Variants in ST6GALNAC5 observed in about 807,000 individuals in gnomAD.
ST6GALNAC5 encodes ST6 N-acetylgalactosaminide alpha-2,6-sialyltransferase 5.
In ST6GALNAC5, 27 loss-of-function variants were observed where a neutral mutation model predicts 33.6. The ratio of observed to expected loss-of-function variants is 0.80; its 90% CI spans 0.59 to 1.11. The LOEUF is 1.11. Ranked by LOEUF, ST6GALNAC5 falls within the 50% of genes least tolerant of loss-of-function variation. The pLI is 0.00. For missense variants in ST6GALNAC5, 428 were observed against 454.0 expected (o/e 0.94, Z 0.52); for synonymous variants, 194 against 171.2 (o/e 1.13, Z -1.04).
intron 2 of ST6GALNAC5, among the ~76,000 whole-genome samples, chr1:76,925,870 G>T (rs1647080935): frequency 6.6e-6 from 1 of 152,138 alleles, no homozygotes; most frequent in African/African-American, 2.4e-5. Context: ...AGAAGAGATG[G>T]CTAGGACCTA....
chr1:76,869,933 A>G (rs896233260), intron 2 of ST6GALNAC5, among the ~76,000 whole-genome samples: 1 of 152,248 alleles, frequency 6.6e-6, no homozygotes, highest in Admixed American at 6.5e-5. Flanking sequence ...TAGGGGTGCA[A>G]AAATGAGAAC....
At chr1:76,986,975 G>T (rs984832278) in intron 2 of ST6GALNAC5, among the ~76,000 whole-genome samples, 25 of 152,060 alleles carry the variant, frequency 1.6e-4, no homozygotes, top group African/African-American at 6.0e-4. Flanking sequence ...AATGAGATCA[G>T]TTGGACACAG....
At chr1:77,010,713 G>A (rs80126839) in intron 2 of ST6GALNAC5, among the ~76,000 whole-genome samples, 2,613 of 152,140 alleles carry the variant, frequency 0.017, 37 homozygotes, top group Non-Finnish European at 0.026. Flanking sequence ...TGACCCTGTG[G>A]CTCCAGGACA....
chr1:76,997,867 A>C lies in ST6GALNAC5; in HGVS notation c.262-46337A>C, dbSNP rs140525476. ...GGCTCTGTGTTCCCACCCAAATCTC[A>C]CCTCAAATTGTAATAATTCCCATGT... On this transcript the variant is annotated intron_variant, in intron 2 of 4. Coordinates refer to ENST00000477717, the MANE Select transcript of ST6GALNAC5 (RefSeq NM_030965.3). 3.4e-3 allele frequency among the ~76,000 whole-genome samples: 519 copies of C among 152,142 alleles called. 5 individuals carry two copies. Among genetic ancestry groups the C allele is most frequent in the Non-Finnish European group, 4.6e-3 (313 of 67,966 alleles).
chr1:76,936,588 G>A (rs998661471), intron 2 of ST6GALNAC5, among the ~76,000 whole-genome samples: 4 of 152,042 alleles, frequency 2.6e-5, no homozygotes, highest in Admixed American at 6.6e-5. Flanking sequence ...TTATACACAT[G>A]TGCTATTGAA....
chr1:76,913,295 G>C (rs1240820160), intron 2 of ST6GALNAC5, among the ~76,000 whole-genome samples: 1 of 151,580 alleles, frequency 6.6e-6, no homozygotes, highest in Non-Finnish European at 1.5e-5. Context: ...TCTGCTGTTA[G>C]TCTGATGGGC....
At chr1:76,943,484 A>G (rs1434340556) in intron 2 of ST6GALNAC5, among the ~76,000 whole-genome samples, 1 of 152,114 alleles carries the variant, frequency 6.6e-6, no homozygotes, top group Non-Finnish European at 1.5e-5. Flanking sequence ...ATTGTAGAAG[A>G]GAGGGAAATT....
intron 2 of ST6GALNAC5, among the ~76,000 whole-genome samples, chr1:77,014,095 T>C (rs2100427083): frequency 6.6e-6 from 1 of 152,302 alleles, no homozygotes; most frequent in Middle Eastern, 3.4e-3. Context: ...CAGTATAAAA[T>C]GTTTACCACC....
chr1:77,028,697 G>C (rs1651339343), intron 2 of ST6GALNAC5, among the ~76,000 whole-genome samples: 1 of 152,222 alleles, frequency 6.6e-6, no homozygotes, highest in Admixed American at 6.5e-5. Flanking sequence ...GGAGGTGGAA[G>C]CTCCTCTACA....
intron 2 of ST6GALNAC5, among the ~76,000 whole-genome samples, chr1:76,914,236 A>G (rs891254977): frequency 3.4e-4 from 52 of 152,352 alleles, no homozygotes; most frequent in Non-Finnish European, 7.2e-4. Context: ...GGTAGGAAGA[A>G]TCAATATCGT....
At chr1:76,993,762 C>T (rs1167685439) in intron 2 of ST6GALNAC5, among the ~76,000 whole-genome samples, 1 of 152,128 alleles carries the variant, frequency 6.6e-6, no homozygotes, top group Non-Finnish European at 1.5e-5. Context: ...TGAATGCCTC[C>T]TTTGTGCAGA....
chr1:76,891,125 T>C (rs1654003991), intron 2 of ST6GALNAC5, among the ~76,000 whole-genome samples: 1 of 152,210 alleles, frequency 6.6e-6, no homozygotes, highest in South Asian at 2.1e-4. Context: ...CTGTATCATA[T>C]GGTAACCTGA....
At chr1:77,008,462 A>T (rs1650508759) in intron 2 of ST6GALNAC5, among the ~76,000 whole-genome samples, 1 of 152,242 alleles carries the variant, frequency 6.6e-6, no homozygotes, top group African/African-American at 2.4e-5. Context: ...ACTAACAGAA[A>T]GCATGCAAAG....
intron 2 of ST6GALNAC5, among the ~76,000 whole-genome samples, chr1:76,921,967 C>T (rs1475569282): frequency 1.3e-5 from 2 of 152,098 alleles, no homozygotes; most frequent in African/African-American, 2.4e-5. Flanking sequence ...GGACGTTTGG[C>T]ATCATTCGTA....
At chr1:76,964,089 C>A (rs1302385659) in intron 2 of ST6GALNAC5, among the ~76,000 whole-genome samples, 1 of 152,082 alleles carries the variant, frequency 6.6e-6, no homozygotes, top group Non-Finnish European at 1.5e-5. Flanking sequence ...ACAGCCCTGC[C>A]AACACTTTGA....
chr1:77,011,695 A>G (rs1650641233), intron 2 of ST6GALNAC5, among the ~76,000 whole-genome samples: 1 of 152,002 alleles, frequency 6.6e-6, no homozygotes, highest in Non-Finnish European at 1.5e-5. Flanking sequence ...TGTTAGTAAT[A>G]TTTTTATTTT....
At chr1:76,886,871 T>C (rs763518365) in intron 2 of ST6GALNAC5, among the ~76,000 whole-genome samples, 4 of 152,222 alleles carry the variant, frequency 2.6e-5, no homozygotes, top group Non-Finnish European at 5.9e-5. Context: ...TGTTGTAGCA[T>C]GTATCAGAAC....
intron 2 of ST6GALNAC5, among the ~76,000 whole-genome samples, chr1:76,944,637 A>C (rs1647449835): frequency 6.6e-6 from 1 of 152,116 alleles, no homozygotes; most frequent in Non-Finnish European, 1.5e-5. Flanking sequence ...TCATCTGAAG[A>C]ATGAGCCTTC....
intron 2 of ST6GALNAC5, among the ~76,000 whole-genome samples, chr1:76,883,267 A>G (rs1199713161): frequency 1.3e-5 from 2 of 152,230 alleles, no homozygotes; most frequent in African/African-American, 4.8e-5. Context: ...ACAATATTGC[A>G]ATCATTTTTC....
Sources: allele counts gnomAD v4.1 joint callset (sites outside exome capture counted in the v4.1 genomes callset), GRCh38; gene constraint gnomAD v4.1.1; transcripts MANE v1.5; gene names NCBI Gene and HGNC (gene_info 2026-07-23, HGNC 2026-07-21).